The following CASC3 variants were observed in gnomAD, a reference collection of about 807,000 sequenced individuals.
CASC3 encodes the protein protein CASC3.
CASC3 carries 30 observed loss-of-function variants against 80.5 expected under a neutral mutation model. The ratio of observed to expected loss-of-function variants is 0.37; its 90% CI spans 0.28 to 0.51. The LOEUF is 0.51. Among genes scored for constraint, CASC3 ranks in the 20% least tolerant of loss-of-function variants. CASC3 has a pLI of 0.94. For missense variants in CASC3, 824 were observed against 922.2 expected (o/e 0.89, Z 1.38); for synonymous variants, 312 against 333.6 (o/e 0.94, Z 0.70).
In CASC3 at chr17:40,171,696, A is replaced by G. The variant is rs1989597261; in HGVS notation, c.*1291A>G. ...CTGTGGAAGAGATTCCTATTACTGC[A>G]GTACATACGTCTGCCAGGGGTAACC... On this transcript the variant is annotated 3_prime_UTR_variant, in exon 14 of 14. Coordinates refer to ENST00000264645, the MANE Select transcript of CASC3 (RefSeq NM_007359.5). The G allele has an allele frequency of 1.9e-6, 2 of 1,071,348 alleles. No individual in the cohort carries two copies. Among genetic ancestry groups the G allele is most frequent in the Non-Finnish European group, 2.3e-6 (2 of 880,806 alleles). The allele number at this position is 1,071,348 out of a possible 1,614,324, so 66.4% of individuals were successfully genotyped here.
At position 40,171,796 on chromosome 17, in the gene CASC3, G is replaced by C; in HGVS notation, c.*1391G>C. 1 of 1,172,580 alleles carries C rather than the reference G, an allele frequency of 8.5e-7. No homozygotes were observed. The highest frequency in any genetic ancestry group is 1.1e-6 in the Non-Finnish European group (1 of 933,616). 72.6% of individuals were successfully genotyped at this position (1,172,580 alleles called of 1,614,324 possible). On this transcript the variant is annotated 3_prime_UTR_variant, in exon 14 of 14. Coordinates refer to ENST00000264645, the MANE Select transcript of CASC3 (RefSeq NM_007359.5). ...TGTGTCTCTCCCCGGTAATGTCACT[G>C]TTTTTATTCCTTCCATCTAGCAGCT... is the stretch of plus-strand genomic sequence containing the variant.
chr17:40,152,242 A>G (rs1249720940), intron 3 of CASC3, among the ~76,000 whole-genome samples: 3 of 152,130 alleles, frequency 2.0e-5, no homozygotes, highest in Non-Finnish European at 2.9e-5. Flanking sequence ...GGCTTAAGCA[A>G]TCCTCCCACC....
chr17:40,144,653 G>GCCCT, intron 3 of CASC3, among the ~76,000 whole-genome samples: 1 of 145,630 alleles, frequency 6.9e-6, no homozygotes, highest in Non-Finnish European at 1.5e-5. Flanking sequence ...ACTGTGCCCA[G>GCCCT]CCCTCTTTTT....
chr17:40,171,662 CT>C lies in CASC3; in HGVS notation c.*1258del. 3 of 1,018,838 alleles carry C rather than the reference CT, an allele frequency of 2.9e-6. No homozygotes were observed. In the South Asian group the frequency reaches 1.2e-4, roughly 41 times the overall value. 63.1% of individuals were successfully genotyped at this position (1,018,838 alleles called of 1,614,324 possible). A position where few individuals can be genotyped will look rare whatever the true frequency, so the allele number is the denominator to read the frequency against. On this transcript the variant is annotated 3_prime_UTR_variant, in exon 14 of 14. Transcript: ENST00000264645. ...CTATCCATGGCACTAAACCACTTCT[CT>C]GCTGCCTCTGTGGAAGAGATTCCTA...
chr17:40,157,359 AAATAAATAAATTAATT>A (rs910917998), intron 3 of CASC3, among the ~76,000 whole-genome samples: 1 of 148,136 alleles, frequency 6.8e-6, no homozygotes. Context: ...ATAAATAAAT[AAATAAATAAATTAATT>A]AATTAATTAA....
At chr17:40,157,172 C>T (rs995911396) in intron 3 of CASC3, among the ~76,000 whole-genome samples, 5 of 151,174 alleles carry the variant, frequency 3.3e-5, no homozygotes, top group Non-Finnish European at 7.4e-5. Context: ...GGTGAAACCC[C>T]GTCTCTACTA....
At chr17:40,164,741 G>A (rs1247881232) in intron 7 of CASC3, among the ~76,000 whole-genome samples, 5 of 135,548 alleles carry the variant, frequency 3.7e-5, no homozygotes, top group South Asian at 2.3e-4. Flanking sequence ...CACAGCCACC[G>A]TGCCTGGCCT....
chr17:40,167,985 C>G lies in CASC3; in HGVS notation c.1750+37C>G, dbSNP rs199708941. ...GTCTCTGCTTATATGCTTCCAGTAC[C>G]TGAGGATATATGTTGGGAGTGCCAC... On this transcript the variant is annotated intron_variant, in intron 10 of 13. Transcript: ENST00000264645. The G allele has an allele frequency of 2.9e-4, 450 of 1,574,372 alleles. No homozygotes were observed. The highest frequency in any genetic ancestry group is 2.8e-3 in the Middle Eastern group (17 of 5,990).
chr17:40,143,826 C>T (rs1324611402), intron 3 of CASC3, among the ~76,000 whole-genome samples: 2 of 150,812 alleles, frequency 1.3e-5, no homozygotes, highest in African/African-American at 4.9e-5. Flanking sequence ...AAGACTCCAT[C>T]TCAAAAAAAA....
intron 3 of CASC3, among the ~76,000 whole-genome samples, chr17:40,149,912 CAAAA>C (rs1248007969): frequency 7.0e-6 from 1 of 143,838 alleles, no homozygotes; most frequent in East Asian, 2.1e-4. Context: ...GACTCCGTCT[CAAAA>C]AAAAGGGAAA....
chr17:40,141,728 A>G (rs1988723003), intron 3 of CASC3, 121 bp downstream of exon 3: 1 of 822,026 alleles, frequency 1.2e-6, no homozygotes, highest in Non-Finnish European at 2.0e-6. Flanking sequence ...TTCTTCATTT[A>G]TGCTTCTGAA....
chr17:40,168,015 C>A, intron 10 of CASC3, 67 bp downstream of exon 10: 1 of 1,493,774 alleles, frequency 6.7e-7, no homozygotes. Flanking sequence ...TGCCACAAAA[C>A]CCATCCTCCT....
At chr17:40,160,893 A>G (rs1598428041) in intron 3 of CASC3, among the ~76,000 whole-genome samples, 1 of 151,966 alleles carries the variant, frequency 6.6e-6, no homozygotes, top group Admixed American at 6.6e-5. Context: ...TAATTCTTGC[A>G]TATGTTCCAG....
At position 40,158,111 on chromosome 17, in the gene CASC3, G is replaced by A. The variant is rs779794400; in HGVS notation, c.298-3642G>A. Among the ~76,000 whole-genome samples the A allele has an allele frequency of 1.4e-4, 21 of 152,220 alleles. 1 individual carries two copies. The highest frequency in any genetic ancestry group is 1.3e-3 in the Admixed American group (20 of 15,278). On this transcript the variant is annotated intron_variant, in intron 3 of 13. Transcript: ENST00000264645. ...TGAGTAGTTCAAACCCCTTGTTCCA[G>A]CGTCAACTATACCCAGATGCTGAGC...
rs768430516 is a variant in CASC3, at chr17:40,162,898, C to A, written c.782C>A (p.Pro261His). 1.9e-6 allele frequency: 3 copies of A among 1,613,186 alleles called. No individual in the cohort carries two copies. In the African/African-American group the frequency reaches 4.0e-5, roughly 22 times the overall value. Reference sequence around the variant, plus strand: ...ATCAAACCTCGAAGAATCCGGAAACCCCGGTGAGGACATTTTAGAACATAA... The same window carrying A: ...ATCAAACCTCGAAGAATCCGGAAACACCGGTGAGGACATTTTAGAACATAA... The part of the protein sequence containing the change: ...DDIKPRRIRK[P>H]RYGSPPQRDP... The change falls in exon 6 of 14, where the codon CCC becomes CAC. Residue 261 changes from proline (P) to histidine (H), a missense_variant. By Grantham distance (77) the Pro-to-His change is moderately conservative. Transcript: ENST00000264645.
chr17:40,147,042 G>A (rs1988880492), intron 3 of CASC3, among the ~76,000 whole-genome samples: 1 of 152,172 alleles, frequency 6.6e-6, no homozygotes, highest in Admixed American at 6.5e-5. Context: ...ATTGAGTTTT[G>A]GGGATTGTGA....
intron 6 of CASC3, among the ~76,000 whole-genome samples, chr17:40,163,143 T>A (rs781761734): frequency 1.1e-4 from 16 of 152,288 alleles, no homozygotes; most frequent in Admixed American, 2.6e-4. Flanking sequence ...TTCTTTTTAT[T>A]TATTTATTTA....
At chr17:40,150,113 G>C (rs1171629903) in intron 3 of CASC3, among the ~76,000 whole-genome samples, 2 of 152,088 alleles carry the variant, frequency 1.3e-5, no homozygotes, top group Non-Finnish European at 2.9e-5. Flanking sequence ...AGGCACGGTG[G>C]CTCACACCTG....
At chr17:40,157,442 G>A (rs1274467946) in intron 3 of CASC3, among the ~76,000 whole-genome samples, 1 of 152,114 alleles carries the variant, frequency 6.6e-6, no homozygotes, top group Non-Finnish European at 1.5e-5. Context: ...TCAGGAGGCC[G>A]AGGTGGGCGG....
Sources: gnomAD v4.1 joint callset for allele counts (sites outside exome capture counted in the v4.1 genomes callset) on GRCh38, gnomAD v4.1.1 for gene constraint, MANE v1.5 for transcripts, NCBI Gene and HGNC (gene_info 2026-07-23, HGNC 2026-07-21) for gene names.